RTL4: variants seen among roughly 807,000 people sequenced by gnomAD.
RTL4 encodes the protein retrotransposon Gag like 4.
Under a neutral mutation model 5.3 loss-of-function variants are expected in RTL4, and 4 were observed. That is an observed-to-expected ratio of 0.75 (90% CI 0.37 to 1.72). The LOEUF is 1.72. Ranked by LOEUF, RTL4 falls within the 40% of genes most tolerant of loss-of-function variation. The pLI, the probability that RTL4 is intolerant of heterozygous loss-of-function variation, is 0.04. For synonymous variants in RTL4, 98 were observed against 87.3 expected, an observed-to-expected ratio of 1.12 and a Z score of -0.68; for missense variants, 260 against 227.1, an observed-to-expected ratio of 1.14 and a Z score of -0.93.
At chrX:112,244,297 G>A in the RTL4 span, among the ~76,000 whole-genome samples, 1 of 111,613 alleles carries the variant, frequency 9.0e-6, no homozygotes, top group Admixed American at 9.5e-5. Flanking sequence ...ACTGTGGGGT[G>A]TTAAAGTCTC....
chrX:112,142,222 G>C, the RTL4 span, among the ~76,000 whole-genome samples: 1 of 112,518 alleles, frequency 8.9e-6, no homozygotes, highest in Non-Finnish European at 1.9e-5. Context: ...TCACTGGGCT[G>C]CCTCATCGAC....
chrX:112,211,502 G>T, the RTL4 span, among the ~76,000 whole-genome samples: 74 of 112,297 alleles, frequency 6.6e-4, 1 homozygote, highest in Admixed American at 5.1e-3. Flanking sequence ...AACAGAGTAA[G>T]ATGGTATTTA....
the RTL4 span, among the ~76,000 whole-genome samples, chrX:112,345,080 G>A: frequency 2.9e-4 from 32 of 111,561 alleles, no homozygotes; most frequent in Non-Finnish European, 5.1e-4. Context: ...AACTCAAGGT[G>A]AAATTTGGGT....
the RTL4 span, among the ~76,000 whole-genome samples, chrX:112,146,653 A>G: frequency 4.6e-5 from 5 of 109,828 alleles, no homozygotes; most frequent in African/African-American, 1.7e-4. Context: ...GTAGGAGGAC[A>G]AATCAGTGAG....
chrX:112,245,064 ACTGTTAGT>A, the RTL4 span, among the ~76,000 whole-genome samples: 70 of 112,326 alleles, frequency 6.2e-4, no homozygotes, highest in African/African-American at 2.1e-3. Context: ...CAAGAGATCC[ACTGTTAGT>A]CTGATGGGCT....
chrX:112,321,923 C>T, the RTL4 span, among the ~76,000 whole-genome samples: 1 of 111,948 alleles, frequency 8.9e-6, no homozygotes, highest in African/African-American at 3.2e-5. Flanking sequence ...GTACCCCATA[C>T]ATTTGTACAA....
the RTL4 span, among the ~76,000 whole-genome samples, chrX:112,326,339 G>T: frequency 1.8e-5 from 2 of 111,719 alleles, no homozygotes; most frequent in Admixed American, 1.9e-4. Context: ...TGCCTCACTC[G>T]GGAAGCACAA....
chrX:112,233,364 T>C, the RTL4 span, among the ~76,000 whole-genome samples: 3 of 104,656 alleles, frequency 2.9e-5, no homozygotes, highest in Admixed American at 3.1e-4. Flanking sequence ...AGAAGAAGTC[T>C]AAACACATTT....
the RTL4 span, among the ~76,000 whole-genome samples, chrX:112,388,005 T>TG: frequency 8.9e-6 from 1 of 112,359 alleles, no homozygotes. Context: ...ATATATTGTT[T>TG]GGGGCATTAT....
chrX:112,275,356 T>C, the RTL4 span, among the ~76,000 whole-genome samples: 10 of 111,202 alleles, frequency 9.0e-5, no homozygotes, highest in African/African-American at 3.3e-4. Context: ...TTAGATTAGC[T>C]TTGGACTAGC....
chrX:112,362,178 G>A, the RTL4 span, among the ~76,000 whole-genome samples: 2 of 112,077 alleles, frequency 1.8e-5, no homozygotes, highest in Non-Finnish European at 3.8e-5. Context: ...GGGTCTTGCC[G>A]TGCACAAGCA....
the RTL4 span, among the ~76,000 whole-genome samples, chrX:112,243,973 C>CAGG: frequency 8.9e-6 from 1 of 111,884 alleles, no homozygotes; most frequent in Non-Finnish European, 1.9e-5. Flanking sequence ...CATTCAGGAG[C>CAGG]AGGTTGTTCA....
chrX:112,222,605 T>C, the RTL4 span, among the ~76,000 whole-genome samples: 1 of 110,008 alleles, frequency 9.1e-6, no homozygotes, highest in African/African-American at 3.3e-5. Context: ...TGGTGATTCA[T>C]GTCTGTGATC....
the RTL4 span, among the ~76,000 whole-genome samples, chrX:112,161,885 T>TTTCTTTCTTTCTTTC: frequency 2.4e-5 from 1 of 42,524 alleles, no homozygotes; most frequent in Non-Finnish European, 5.0e-5. Flanking sequence ...TTCTTTCTTC[T>TTTCTTTCTTTCTTTC]TTCTTTCTTC....
At chrX:112,161,844 C>CCTTCCTTCCTTCCTTCCTTTCTTT in the RTL4 span, among the ~76,000 whole-genome samples, 2 of 40,067 alleles carry the variant, frequency 5.0e-5, no homozygotes, top group African/African-American at 2.3e-4. Flanking sequence ...TTCCTTCCTT[C>CCTTCCTTCCTTCCTTCCTTTCTTT]CTTTCTTTCT....
the RTL4 span, among the ~76,000 whole-genome samples, chrX:112,406,663 C>A: frequency 9.0e-6 from 1 of 110,767 alleles, no homozygotes; most frequent in African/African-American, 3.3e-5. Context: ...ACTGAGACAC[C>A]AACTGAAGTG....
At chrX:112,214,499 T>A in the RTL4 span, among the ~76,000 whole-genome samples, 1 of 112,246 alleles carries the variant, frequency 8.9e-6, no homozygotes, top group Non-Finnish European at 1.9e-5. Flanking sequence ...TCTTTTCGGA[T>A]CCTGATTTCA....
At chrX:112,165,116 G>C in the RTL4 span, among the ~76,000 whole-genome samples, 1 of 111,792 alleles carries the variant, frequency 8.9e-6, no homozygotes, top group Non-Finnish European at 1.9e-5. Context: ...TCCCTGATCA[G>C]ATACTGCCTC....
chrX:112,376,569 G>C, the RTL4 span, among the ~76,000 whole-genome samples: 5 of 112,237 alleles, frequency 4.5e-5, no homozygotes, highest in African/African-American at 1.6e-4. Flanking sequence ...AGACCTTAAG[G>C]ATGTAAGGGT....
Sources: gnomAD v4.1 joint callset for allele counts (sites outside exome capture counted in the v4.1 genomes callset) on GRCh38, gnomAD v4.1.1 for gene constraint, MANE v1.5 for transcripts, NCBI Gene and HGNC (gene_info 2026-07-23, HGNC 2026-07-21) for gene names.